Variants in C1GALT1 observed in about 807,000 individuals in gnomAD.
C1GALT1 encodes the protein core 1 synthase, glycoprotein-N-acetylgalactosamine 3-beta-galactosyltransferase 1.
In C1GALT1, 11 loss-of-function variants were observed where a neutral mutation model predicts 31.0. That is an observed-to-expected ratio of 0.36 (90% CI 0.22 to 0.59). The LOEUF (loss-of-function observed/expected upper bound fraction) is 0.59, where lower values mean the gene tolerates loss of function less well. C1GALT1 is among the 20% of genes least tolerant of loss of function. The pLI is 0.79. For synonymous variants in C1GALT1, 175 were observed against 143.6 expected, an observed-to-expected ratio of 1.22 and a Z score of -1.56; for missense variants, 424 against 425.2, an observed-to-expected ratio of 1.00 and a Z score of 0.03.
At chr7:7,243,436 A>C in intron 3 of C1GALT1, 88 bp from the exon 4 acceptor site, 1 of 1,096,594 alleles carries the variant, frequency 9.1e-7, no homozygotes, top group Non-Finnish European at 1.3e-6. Context: ...GTATTCTTTT[A>C]AAATTAGCTG....
At chr7:7,170,486 A>C (rs1374148132) in intron 2 of C1GALT1, among the ~76,000 whole-genome samples, 1 of 152,206 alleles carries the variant, frequency 6.6e-6, no homozygotes, top group African/African-American at 2.4e-5. Flanking sequence ...TTTCATTATT[A>C]AACATCTTAT....
At chr7:7,234,697 A>G in intron 2 of C1GALT1, 158 bp downstream of exon 2, 3 of 583,496 alleles carry the variant, frequency 5.1e-6, no homozygotes, top group Non-Finnish European at 8.9e-6. Flanking sequence ...TAAAACTCAG[A>G]TTTATTTAGG....
chr7:7,201,476 G>T (rs75439000), intron 1 of C1GALT1, among the ~76,000 whole-genome samples: 1 of 152,032 alleles, frequency 6.6e-6, no homozygotes, highest in South Asian at 2.1e-4. Flanking sequence ...GAGGCAGTCT[G>T]TCTGTTCTCA....
Position 7,245,206 on chromosome 7 carries a change from T to G in C1GALT1, c.*1479T>G, listed in dbSNP as rs28472601. On this transcript the variant is annotated 3_prime_UTR_variant, in exon 4 of 4. Coordinates refer to ENST00000436587, the MANE Select transcript of C1GALT1 (RefSeq NM_020156.5). ...TTTACATGGCAGTCATGCCACTGAC[T>G]CTGCTATTTAGCTAAGTAATTTCTT... 8 of 152,286 alleles carry G rather than the reference T, an allele frequency of 5.3e-5. No homozygotes were observed. The highest frequency in any genetic ancestry group is 1.9e-4 in the African/African-American group (8 of 41,474). The allele number at this position is 152,286 out of a possible 1,614,324, so 9.4% of individuals were successfully genotyped here. A position where few individuals can be genotyped will look rare whatever the true frequency, so the allele number is the denominator to read the frequency against.
intron 1 of C1GALT1, among the ~76,000 whole-genome samples, chr7:7,192,594 A>T (rs187054555): frequency 1.9e-3 from 290 of 152,144 alleles, no homozygotes; most frequent in African/African-American, 6.6e-3. Flanking sequence ...TTTTGCAGTT[A>T]CAAATTGTGT....
chr7:7,203,092 GTT>G (rs35048292), intron 1 of C1GALT1, among the ~76,000 whole-genome samples: 4,830 of 137,700 alleles, frequency 0.035, 157 homozygotes, highest in African/African-American at 0.097. Flanking sequence ...GTTCTAACAG[GTT>G]TTTTTTTTTT....
At position 7,182,796 on chromosome 7, in the gene C1GALT1, G is replaced by A. The variant is rs942614027; in HGVS notation, c.-42G>A. The stretch of plus-strand genomic sequence containing the variant: ...CCCCTCTCCGCCCCCCAGGAGGGGC[G>A]AGAGGGAGCCGCAGCTGATGTCAGG... On this transcript the variant is annotated 5_prime_UTR_variant, in exon 1 of 4. Transcript: ENST00000436587. The A allele has an allele frequency of 4.7e-5, 46 of 985,602 alleles. No homozygotes were observed. The highest frequency in any genetic ancestry group is 5.4e-5 in the Non-Finnish European group (45 of 830,068). 61.1% of individuals were successfully genotyped at this position (985,602 alleles called of 1,614,324 possible). A position where few individuals can be genotyped will look rare whatever the true frequency, so the allele number is the denominator to read the frequency against.
intron 1 of C1GALT1, among the ~76,000 whole-genome samples, chr7:7,230,135 G>A (rs1161854206): frequency 1.3e-5 from 2 of 152,122 alleles, no homozygotes; most frequent in African/African-American, 4.8e-5. Context: ...CATAAGCATG[G>A]TGTGTTGTCA....
At chr7:7,193,108 C>T (rs1175461086) in intron 1 of C1GALT1, among the ~76,000 whole-genome samples, 1 of 151,988 alleles carries the variant, frequency 6.6e-6, no homozygotes, top group East Asian at 1.9e-4. Context: ...TGTGGGTTGT[C>T]TGTTTACTGA....
At chr7:7,236,170 G>C (rs1471100622) in intron 2 of C1GALT1, among the ~76,000 whole-genome samples, 1 of 152,134 alleles carries the variant, frequency 6.6e-6, no homozygotes, top group African/African-American at 2.4e-5. Context: ...ATTGGTTTGT[G>C]TGTCAGGCTC....
At chr7:7,237,968 C>A (rs746209616) in intron 2 of C1GALT1, among the ~76,000 whole-genome samples, 1 of 152,110 alleles carries the variant, frequency 6.6e-6, no homozygotes, top group Non-Finnish European at 1.5e-5. Flanking sequence ...CTAACAGGCT[C>A]CCAGGTGATG....
At chr7:7,165,864 A>T (rs1003492883) in intron 2 of C1GALT1, among the ~76,000 whole-genome samples, 1 of 152,216 alleles carries the variant, frequency 6.6e-6, no homozygotes, top group Non-Finnish European at 1.5e-5. Flanking sequence ...AACTCATTTC[A>T]TGCACAAAAT....
chr7:7,221,199 A>AT (rs35334592), intron 1 of C1GALT1, among the ~76,000 whole-genome samples: 63,110 of 151,350 alleles, frequency 0.42, 13,598 homozygotes, highest in East Asian at 0.55. Context: ...TTTTTTTCTT[A>AT]TTTTCCATCA....
At chr7:7,242,319 C>G (rs1295112983) in intron 3 of C1GALT1, among the ~76,000 whole-genome samples, 3 of 149,824 alleles carry the variant, frequency 2.0e-5, no homozygotes, top group Non-Finnish European at 4.4e-5. Context: ...GTTATTTTTC[C>G]TATTTGCTTT....
intron 1 of C1GALT1, among the ~76,000 whole-genome samples, chr7:7,207,903 A>G (rs1781823465): frequency 6.6e-6 from 1 of 152,138 alleles, no homozygotes; most frequent in African/African-American, 2.4e-5. Flanking sequence ...GATATGTAAT[A>G]CAATAGTCCC....
chr7:7,174,033 G>A (rs1010266810), intron 2 of C1GALT1, among the ~76,000 whole-genome samples: 1 of 152,158 alleles, frequency 6.6e-6, no homozygotes, highest in African/African-American at 2.4e-5. Flanking sequence ...TTTCTGGTGA[G>A]GGTTCTTTTC....
chr7:7,170,408 T>C (rs1780440809), intron 2 of C1GALT1, among the ~76,000 whole-genome samples: 1 of 152,224 alleles, frequency 6.6e-6, no homozygotes. Context: ...TGTAGGAATT[T>C]ATAGTTATAA....
At chr7:7,206,125 C>T (rs1450271263) in intron 1 of C1GALT1, among the ~76,000 whole-genome samples, 1 of 152,060 alleles carries the variant, frequency 6.6e-6, no homozygotes, top group Non-Finnish European at 1.5e-5. Flanking sequence ...CAATTCCATC[C>T]CCACCACTTA....
At chr7:7,217,821 C>T (rs896452359) in intron 1 of C1GALT1, among the ~76,000 whole-genome samples, 3 of 152,160 alleles carry the variant, frequency 2.0e-5, no homozygotes, top group African/African-American at 7.2e-5. Flanking sequence ...CAGGCATGAG[C>T]CACTATGCCT....
Sources: allele counts gnomAD v4.1 joint callset (sites outside exome capture counted in the v4.1 genomes callset), GRCh38; gene constraint gnomAD v4.1.1; transcripts MANE v1.5; gene names NCBI Gene and HGNC (gene_info 2026-07-23, HGNC 2026-07-21).